The following CD63 variants were observed in gnomAD, a reference collection of about 807,000 sequenced individuals.
The protein encoded by CD63 is CD63 molecule, also known as CD63 antigen.
CD63 carries 16 observed loss-of-function variants against 29.2 expected under a neutral mutation model. That is an observed-to-expected ratio of 0.55 (90% CI 0.37 to 0.83). The LOEUF (loss-of-function observed/expected upper bound fraction) is 0.83, where lower values mean the gene tolerates loss of function less well. Among genes scored for constraint, CD63 ranks in the 40% least tolerant of loss-of-function variants. The pLI is 0.00. For missense variants in CD63, 251 were observed against 297.3 expected (o/e 0.84, Z 1.15); for synonymous variants, 118 against 111.7 (o/e 1.06, Z -0.36).
Position 55,728,266 on chromosome 12 carries a change from C to T in CD63, c.66+10G>A. 6.2e-7 allele frequency: 1 copy of T among 1,606,980 alleles called. No individual in the cohort carries two copies. Among genetic ancestry groups the T allele is most frequent in the Non-Finnish European group, 8.5e-7 (1 of 1,177,004 alleles). On this transcript the variant is annotated intron_variant, in intron 2 of 7. Transcript: ENST00000257857. This position sits in a 1 kb window ranked among gnomAD's most constrained non-coding sequence, Gnocchi z 4.8. ...TGCCGGCGCGCCCCCCAGGACCCCT[C>T]GCCACTCACGCAAAAGGCCAGCAGG...
chr12:55,729,082 C>A, upstream of CD63: 1 of 985,434 alleles, frequency 1.0e-6, no homozygotes, highest in Non-Finnish European at 1.2e-6. Flanking sequence ...TCCCCTCCCC[C>A]GCCGAGTGGC....
At chr12:55,724,014 C>T, downstream of CD63, 1 of 1,612,876 alleles carries the variant, frequency 6.2e-7, no homozygotes, top group South Asian at 1.1e-5. Flanking sequence ...CCTCCTGCCA[C>T]ACAGGCCCAC....
chr12:55,727,903 G>C, intron 2 of CD63: 1 of 1,127,516 alleles, frequency 8.9e-7, no homozygotes. Flanking sequence ...AGAGGGGCTG[G>C]ACAGGGATGA....
At chr12:55,727,727 C>G (rs779279371) in intron 2 of CD63, 1 of 1,038,546 alleles carries the variant, frequency 9.6e-7, no homozygotes, top group Non-Finnish European at 1.2e-6. Context: ...GACTAAGGTT[C>G]CTCTGGCCAG....
At position 55,726,689 on chromosome 12, in the gene CD63, A is replaced by AC; in HGVS notation, c.426+10dup. On this transcript the variant is annotated intron_variant, in intron 5 of 7. Coordinates refer to ENST00000257857, the MANE Select transcript of CD63 (RefSeq NM_001780.6). ...ATTCCCACCACCCCTGCTCCCAGCA[A>AC]CCCCACTCACATCTGCCTGCATCCT... is the stretch of plus-strand genomic sequence containing the variant. 1 of 1,608,018 alleles carries AC rather than the reference A, an allele frequency of 6.2e-7. No individual in the cohort carries two copies. The highest frequency in any genetic ancestry group is 2.2e-5 in the East Asian group (1 of 44,850).
At position 55,725,801 on chromosome 12, in the gene CD63, G is replaced by T. The variant is rs929249996; in HGVS notation, c.651+12C>A. 8.1e-6 allele frequency: 13 copies of T among 1,612,644 alleles called. No homozygotes were observed. In the African/African-American group the frequency reaches 1.3e-4, roughly 17 times the overall value. ...GACAGAGTCCCAGCCCCTGCTCAGG[G>T]TTATCTCTTACCTCGACAAAAGCAA... On this transcript the variant is annotated intron_variant, in intron 7 of 7. Coordinates refer to ENST00000257857, the MANE Select transcript of CD63 (RefSeq NM_001780.6).
At chr12:55,729,029 C>T (rs957394066), upstream of CD63, 10 of 985,308 alleles carry the variant, frequency 1.0e-5, no homozygotes, top group African/African-American at 1.6e-4. Flanking sequence ...CCCCGGCTCC[C>T]GCCCCGCCTG....
downstream of CD63, chr12:55,724,210 C>T: frequency 6.9e-7 from 1 of 1,459,740 alleles, no homozygotes; most frequent in Non-Finnish European, 9.5e-7. Context: ...CTGCCCACTC[C>T]CCACACTGAG....
intron 2 of CD63, 169 bp from the exon 3 acceptor site, chr12:55,727,508 C>A: frequency 8.2e-7 from 1 of 1,214,322 alleles, no homozygotes; most frequent in Admixed American, 3.3e-5. Flanking sequence ...CCCATCCTTG[C>A]CTGCCCCTAC....
rs2136155830 is a variant in CD63 at position 55,728,686 on chromosome 12, A to G, written c.-12+267T>C. 7 of 1,153,830 alleles carry G rather than the reference A, an allele frequency of 6.1e-6. No homozygotes were observed. In the South Asian group the frequency reaches 1.6e-4, roughly 26 times the overall value. 71.5% of individuals were successfully genotyped at this position (1,153,830 alleles called of 1,614,324 possible). ...TTTCCCCACCCAACACCCAGCCTGG[A>G]GAAACGGTCTTCAGCCCAACCCCGA... On this transcript the variant is annotated intron_variant, in intron 1 of 7. Transcript: ENST00000257857. The surrounding 1 kb of genome is among the most constrained non-coding windows in gnomAD (Gnocchi z 4.8).
Position 55,728,738 on chromosome 12 carries a change from G to C in CD63, c.-12+215C>G. On this transcript the variant is annotated intron_variant, in intron 1 of 7. Coordinates refer to ENST00000257857, the MANE Select transcript of CD63 (RefSeq NM_001780.6). This position sits in a 1 kb window ranked among gnomAD's most constrained non-coding sequence, Gnocchi z 4.8. ...CCCCGCCCCAGCCCCTTTCCCCTGGGCTCTGACCTCCCCGCCCACCAAAAA... is the reference window on the plus strand; with the variant it reads ...CCCCGCCCCAGCCCCTTTCCCCTGGCCTCTGACCTCCCCGCCCACCAAAAA... 1.0e-6 allele frequency: 1 copy of C among 1,003,124 alleles called. No homozygotes were observed. The highest frequency in any genetic ancestry group is 1.8e-5 in the African/African-American group (1 of 56,762). 62.1% of individuals were successfully genotyped at this position (1,003,124 alleles called of 1,614,324 possible).
downstream of CD63, chr12:55,724,134 G>T (rs1877079226): frequency 2.0e-6 from 3 of 1,535,596 alleles, no homozygotes; most frequent in Non-Finnish European, 2.6e-6. Flanking sequence ...TAGGAGGTGG[G>T]TGGGGCACCC....
chr12:55,727,512 C>A, intron 2 of CD63, 173 bp from the exon 3 acceptor site: 1 of 1,218,146 alleles, frequency 8.2e-7, no homozygotes, highest in South Asian at 1.9e-5. Context: ...TCCTTGCCTG[C>A]CCCTACCTCC....
At chr12:55,724,768 A>G (rs1877129245), downstream of CD63, 1 of 606,750 alleles carries the variant, frequency 1.6e-6, no homozygotes, top group Non-Finnish European at 3.0e-6. Context: ...TGGCCTGTTC[A>G]GTCCCTGCAA....
rs1877364576 is a variant in CD63 at position 55,726,401 on chromosome 12, G to A, written c.427-140C>T. On this transcript the variant is annotated intron_variant, in intron 5 of 7. Transcript: ENST00000257857. ...CTGTTGCCCAGACAAGTGCCCAGCG[G>A]TGGCTCAATCTCGGCTCACTGCAAC... The A allele has an allele frequency of 2.4e-6, 2 of 820,744 alleles. 1 individual carries two copies. Among genetic ancestry groups the A allele is most frequent in the South Asian group, 3.7e-5 (2 of 53,836 alleles). The allele number at this position is 820,744 out of a possible 1,614,324, so 50.8% of individuals were successfully genotyped here.
In CD63 at chr12:55,728,433, G is replaced by GGCTT; in HGVS notation, c.-11-85_-11-82dup. 3.9e-6 allele frequency: 6 copies of GGCTT among 1,538,124 alleles called. No homozygotes were observed. In the South Asian group the frequency reaches 7.2e-5, roughly 18 times the overall value. Reference sequence around the variant, plus strand: ...TCCGGGCTCCCGGCCGGCCCTCGAGGGCTTCCCTTCACGGCCCCGATTCCC... The same window carrying GGCTT: ...TCCGGGCTCCCGGCCGGCCCTCGAGGGCTTGCTTCCCTTCACGGCCCCGATTCCC... On this transcript the variant is annotated intron_variant, in intron 1 of 7. Coordinates refer to ENST00000257857, the MANE Select transcript of CD63 (RefSeq NM_001780.6). This position sits in a 1 kb window ranked among gnomAD's most constrained non-coding sequence, Gnocchi z 4.8.
chr12:55,724,654 G>A (rs1391714921), downstream of CD63: 2 of 1,024,532 alleles, frequency 2.0e-6, no homozygotes, highest in Non-Finnish European at 3.0e-6. Context: ...ACTAACAAAA[G>A]TGTATTGTTT....
downstream of CD63, chr12:55,725,293 T>C (rs527394786): frequency 1.7e-5 from 9 of 528,036 alleles, no homozygotes; most frequent in Non-Finnish European, 2.7e-5. Flanking sequence ...CCACAGTCTC[T>C]GGATCCTCAC....
chr12:55,728,649 C>G lies in CD63; in HGVS notation c.-11-297G>C, dbSNP rs528297818. ...GACCCTCGGCCCGCCAGTCTCCGGGCGTCAAACACCCTTTCCCCACCCAAC... is the reference window on the plus strand; with the variant it reads ...GACCCTCGGCCCGCCAGTCTCCGGGGGTCAAACACCCTTTCCCCACCCAAC... On this transcript the variant is annotated intron_variant, in intron 1 of 7. Coordinates refer to ENST00000257857, the MANE Select transcript of CD63 (RefSeq NM_001780.6). The surrounding 1 kb of genome is among the most constrained non-coding windows in gnomAD (Gnocchi z 4.8). The G allele has an allele frequency of 7.1e-6, 9 of 1,272,818 alleles. No homozygotes were observed. In the East Asian group the frequency reaches 3.5e-4, roughly 49 times the overall value. 78.8% of individuals were successfully genotyped at this position (1,272,818 alleles called of 1,614,324 possible). A position where few individuals can be genotyped will look rare whatever the true frequency, so the allele number is the denominator to read the frequency against.
Sources: gnomAD v4.1 joint callset for allele counts on GRCh38, gnomAD v4.1.1 for gene constraint, Gnocchi (gnomAD v3.1) non-coding constraint, MANE v1.5 for transcripts, NCBI Gene and HGNC (gene_info 2026-07-23, HGNC 2026-07-21) for gene names.